The following ZC3H12B variants were observed in gnomAD, a reference collection of about 807,000 sequenced individuals.
ZC3H12B encodes the protein probable ribonuclease ZC3H12B.
ZC3H12B carries 7 observed loss-of-function variants against 43.9 expected under a neutral mutation model. That is an observed-to-expected ratio of 0.16 (90% CI 0.09 to 0.30). ZC3H12B has a LOEUF of 0.30. Among genes scored for constraint, ZC3H12B ranks in the 10% least tolerant of loss-of-function variants. The pLI is 1.00. For missense variants in ZC3H12B, 475 were observed against 670.2 expected (o/e 0.71, Z 3.22); for synonymous variants, 222 against 241.7 (o/e 0.92, Z 0.76).
chrX:65,348,030 C>T, the ZC3H12B span, among the ~76,000 whole-genome samples: 244 of 106,838 alleles, frequency 2.3e-3, 1 homozygote, highest in African/African-American at 7.8e-3. Context: ...GGGAATTGAA[C>T]AATGAGAACA....
At chrX:65,095,063 A>G in the ZC3H12B span, among the ~76,000 whole-genome samples, 1 of 112,417 alleles carries the variant, frequency 8.9e-6, no homozygotes, top group Non-Finnish European at 1.9e-5. Flanking sequence ...GAGCTTTTAA[A>G]TGAAAATTAC....
the ZC3H12B span, among the ~76,000 whole-genome samples, chrX:65,193,960 G>T: frequency 9.0e-6 from 1 of 110,933 alleles, no homozygotes; most frequent in Non-Finnish European, 1.9e-5. Flanking sequence ...TTCAATCATG[G>T]CAGAAGGCAA....
At chrX:65,372,501 A>AAAGGAAGGAAGGAAGG (rs542094495) in intron 2 of ZC3H12B, among the ~76,000 whole-genome samples, 14 of 83,455 alleles carry the variant, frequency 1.7e-4, no homozygotes, top group Admixed American at 1.0e-3. Flanking sequence ...GGAAGGAAGG[A>AAAGGAAGGAAGGAAGG]AAGGAAGGAA....
At chrX:65,211,576 A>G in the ZC3H12B span, among the ~76,000 whole-genome samples, 2 of 101,948 alleles carry the variant, frequency 2.0e-5, no homozygotes, top group East Asian at 5.9e-4. Context: ...TCAAAGTCAT[A>G]CATCTAGTAA....
chrX:65,160,329 A>G, the ZC3H12B span, among the ~76,000 whole-genome samples: 4 of 111,915 alleles, frequency 3.6e-5, no homozygotes, highest in African/African-American at 1.3e-4. Context: ...TAGTTTCAGA[A>G]GGAATGGTAC....
intron 2 of ZC3H12B, among the ~76,000 whole-genome samples, chrX:65,382,344 A>G (rs2066454825): frequency 9.0e-6 from 1 of 110,617 alleles, no homozygotes; most frequent in South Asian, 3.9e-4. Context: ...CGAACCAAAG[A>G]CAAAAACCAC....
chrX:65,286,123 CAT>C, the ZC3H12B span, among the ~76,000 whole-genome samples: 2 of 111,645 alleles, frequency 1.8e-5, no homozygotes, highest in Non-Finnish European at 3.8e-5. Flanking sequence ...ATATGTTAAA[CAT>C]ATGAATATTC....
chrX:65,444,141 T>C (rs1003587418), intron 3 of ZC3H12B, among the ~76,000 whole-genome samples: 3 of 112,704 alleles, frequency 2.7e-5, no homozygotes, highest in African/African-American at 9.7e-5. Context: ...TACATTTTAA[T>C]TTTTGCTTTC....
At chrX:65,299,695 G>A in the ZC3H12B span, among the ~76,000 whole-genome samples, 46 of 112,346 alleles carry the variant, frequency 4.1e-4, no homozygotes, top group Non-Finnish European at 7.5e-4. Flanking sequence ...GACAGACAGA[G>A]CAGTGTGTGG....
the ZC3H12B span, among the ~76,000 whole-genome samples, chrX:65,226,705 A>G: frequency 3.6e-5 from 4 of 111,501 alleles, no homozygotes; most frequent in East Asian, 2.8e-4. Context: ...AGCAAATGGA[A>G]AACAAAAAAA....
the ZC3H12B span, among the ~76,000 whole-genome samples, chrX:65,264,080 G>C: frequency 9.0e-6 from 1 of 111,553 alleles, no homozygotes. Context: ...CAAATACCTT[G>C]TCACTTATAA....
the ZC3H12B span, among the ~76,000 whole-genome samples, chrX:65,218,949 G>A: frequency 3.6e-5 from 4 of 112,094 alleles, no homozygotes; most frequent in Admixed American, 3.8e-4. Context: ...AACAGAGCAG[G>A]TGCTGGTATC....
chrX:65,480,714 C>T (rs907358220), intron 3 of ZC3H12B, among the ~76,000 whole-genome samples: 5 of 110,421 alleles, frequency 4.5e-5, no homozygotes, highest in African/African-American at 6.6e-5. Context: ...GGCATGGTGG[C>T]GGATGTCTGT....
the ZC3H12B span, among the ~76,000 whole-genome samples, chrX:65,195,012 A>G: frequency 1.9e-5 from 2 of 108,083 alleles, no homozygotes; most frequent in Admixed American, 1.0e-4. Context: ...TTCTATTTGT[A>G]TGGAATATCT....
intron 3 of ZC3H12B, among the ~76,000 whole-genome samples, chrX:65,455,369 G>A (rs1457502529): frequency 8.9e-6 from 1 of 112,221 alleles, no homozygotes; most frequent in Non-Finnish European, 1.9e-5. Flanking sequence ...CTGGAAGAAA[G>A]GGTATCAGTG....
chrX:65,436,732 T>A (rs938859027), intron 3 of ZC3H12B, among the ~76,000 whole-genome samples: 1 of 111,504 alleles, frequency 9.0e-6, no homozygotes, highest in Non-Finnish European at 1.9e-5. Context: ...TATATATTTA[T>A]GGGGTACCTA....
At chrX:65,483,649 T>C (rs1019568629) in intron 3 of ZC3H12B, among the ~76,000 whole-genome samples, 4 of 112,091 alleles carry the variant, frequency 3.6e-5, no homozygotes, top group Non-Finnish European at 7.5e-5. Flanking sequence ...TGAATGCTCT[T>C]AGGCAACTCT....
chrX:65,306,083 A>G, the ZC3H12B span, among the ~76,000 whole-genome samples: 2 of 112,406 alleles, frequency 1.8e-5, no homozygotes, highest in African/African-American at 6.5e-5. Context: ...ATAAAAATCA[A>G]ATGTCTACAG....
chrX:65,354,816 T>C, the ZC3H12B span, among the ~76,000 whole-genome samples: 2 of 111,523 alleles, frequency 1.8e-5, no homozygotes, highest in African/African-American at 6.5e-5. Flanking sequence ...CATAAAGCAT[T>C]CACATATATA....
Sources: gnomAD v4.1 joint callset for allele counts (sites outside exome capture counted in the v4.1 genomes callset) on GRCh38, gnomAD v4.1.1 for gene constraint, MANE v1.5 for transcripts, NCBI Gene and HGNC (gene_info 2026-07-23, HGNC 2026-07-21) for gene names.